SULT2B1: variants seen among roughly 807,000 people sequenced by gnomAD.
SULT2B1 encodes sulfotransferase family 2B member 1, also known as sulfotransferase 2B1.
Under a neutral mutation model 33.2 loss-of-function variants are expected in SULT2B1, and 16 were observed. The observed-to-expected ratio is 0.48, with a 90% CI of 0.33 to 0.73. SULT2B1 has a LOEUF of 0.73. Ranked by LOEUF, SULT2B1 falls within the 30% of genes least tolerant of loss-of-function variation. SULT2B1 has a pLI of 0.02. For missense variants in SULT2B1, 500 were observed against 506.0 expected, an observed-to-expected ratio of 0.99 and a Z score of 0.11; for synonymous variants, 186 against 200.5, an observed-to-expected ratio of 0.93 and a Z score of 0.61.
At chr19:48,565,844 C>T (rs1315747009) in intron 1 of SULT2B1, among the ~76,000 whole-genome samples, 2 of 152,072 alleles carry the variant, frequency 1.3e-5, no homozygotes, top group African/African-American at 4.8e-5. Context: ...CTCGACCTCC[C>T]CAGCTCAGGC....
chr19:48,558,435 T>TG (rs933868414), intron 1 of SULT2B1, among the ~76,000 whole-genome samples: 2 of 152,206 alleles, frequency 1.3e-5, no homozygotes, highest in African/African-American at 4.8e-5. Flanking sequence ...CCTTTGGACC[T>TG]GGGGCGCCTC....
At chr19:48,586,280 C>A (rs1209075998) in intron 2 of SULT2B1, among the ~76,000 whole-genome samples, 1 of 152,172 alleles carries the variant, frequency 6.6e-6, no homozygotes, top group East Asian at 1.9e-4. Context: ...CTCAGAATTT[C>A]AGCGGCTGAA....
intron 1 of SULT2B1, among the ~76,000 whole-genome samples, chr19:48,570,179 C>CTT (rs149283040): frequency 2.1e-5 from 3 of 145,644 alleles, no homozygotes; most frequent in East Asian, 2.0e-4. Flanking sequence ...CCGGTTTGTT[C>CTT]TTTTTTTTTT....
intron 2 of SULT2B1, among the ~76,000 whole-genome samples, chr19:48,577,280 C>T (rs1328477082): frequency 6.8e-6 from 1 of 147,696 alleles, no homozygotes; most frequent in Non-Finnish European, 1.5e-5. Flanking sequence ...TGGTCTTGAA[C>T]TCCTGACCTC....
At chr19:48,560,479 CG>C (rs1341966824) in intron 1 of SULT2B1, among the ~76,000 whole-genome samples, 11 of 151,938 alleles carry the variant, frequency 7.2e-5, no homozygotes, top group East Asian at 5.8e-4. Flanking sequence ...CATTTCTTCT[CG>C]GGGGGACTTG....
intron 6 of SULT2B1, among the ~76,000 whole-genome samples, chr19:48,597,337 CTTTT>C (rs535736357): frequency 1.7e-4 from 18 of 106,856 alleles, no homozygotes; most frequent in Admixed American, 5.3e-4. Flanking sequence ...CACGTTTACT[CTTTT>C]TTTTTTTTTT....
intron 3 of SULT2B1, 131 bp downstream of exon 3, chr19:48,587,568 C>A: frequency 2.0e-6 from 2 of 1,023,072 alleles, no homozygotes; most frequent in Non-Finnish European, 2.9e-6. Flanking sequence ...TGACTCTGAT[C>A]TAGCACAGTG....
intron 1 of SULT2B1, among the ~76,000 whole-genome samples, chr19:48,571,900 A>C (rs1048861307): frequency 2.6e-5 from 4 of 152,102 alleles, no homozygotes; most frequent in African/African-American, 9.7e-5. Context: ...GGCATGAGGC[A>C]CCATGCCCGG....
At chr19:48,565,486 TCTC>T (rs1973232904) in intron 1 of SULT2B1, among the ~76,000 whole-genome samples, 1 of 150,392 alleles carries the variant, frequency 6.6e-6, no homozygotes, top group African/African-American at 2.4e-5. Flanking sequence ...TTCAAGCGAT[TCTC>T]CTGCCTCAGC....
chr19:48,599,200 C>A lies in SULT2B1; in HGVS notation c.892C>A (p.Arg298Ser). 6.2e-7 allele frequency: 1 copy of A among 1,605,212 alleles called. No individual in the cohort carries two copies. The highest frequency in any genetic ancestry group is 2.2e-5 in the East Asian group (1 of 44,598). Residue 298 changes from arginine to serine, a missense_variant, in exon 7 of 7, where the codon CGC (arginine) becomes AGC (serine). Transcript: ENST00000201586. This position sits in a 1 kb window ranked among gnomAD's most constrained non-coding sequence, Gnocchi z 4.1. ...AQSEAFDRAY[R>S]KQMRGMPTFP... ...GAGCGAAGCCTTCGATCGTGCCTACCGCAAGCAGATGCGGGGGATGCCGAC... is the reference window on the plus strand; with the variant it reads ...GAGCGAAGCCTTCGATCGTGCCTACAGCAAGCAGATGCGGGGGATGCCGAC...
intron 1 of SULT2B1, among the ~76,000 whole-genome samples, chr19:48,560,531 A>C (rs1332634991): frequency 6.6e-6 from 1 of 151,806 alleles, no homozygotes; most frequent in Non-Finnish European, 1.5e-5. Flanking sequence ...CCCTCCATAG[A>C]TATATACCGT....
chr19:48,579,873 C>T (rs1973463736), intron 2 of SULT2B1, among the ~76,000 whole-genome samples: 2 of 152,160 alleles, frequency 1.3e-5, no homozygotes, highest in South Asian at 2.1e-4. Flanking sequence ...TCCCGAAGTG[C>T]TGGGATTACA....
At chr19:48,562,032 T>C (rs988760622) in intron 1 of SULT2B1, among the ~76,000 whole-genome samples, 1 of 152,024 alleles carries the variant, frequency 6.6e-6, no homozygotes, top group African/African-American at 2.4e-5. Context: ...GGAGGATCAC[T>C]TGAGATCAGG....
rs567601143 is a variant in SULT2B1, at chr19:48,585,647, C to T, written c.215-1582C>T. The stretch of plus-strand genomic sequence containing the variant: ...TCGCGCCATTGCACTCCAGCTTGGG[C>T]AACAAGAGCAAAACTCCGTCTCAAA... On this transcript the variant is annotated intron_variant, in intron 2 of 6. Coordinates refer to ENST00000201586, the MANE Select transcript of SULT2B1 (RefSeq NM_177973.2). Among the ~76,000 whole-genome samples, 3 of 144,492 alleles carry T rather than the reference C, an allele frequency of 2.1e-5. No individual in the cohort carries two copies. In the East Asian group the frequency reaches 6.1e-4, roughly 30 times the overall value. 94.8% of individuals were successfully genotyped at this position (144,492 alleles called of 152,430 possible).
At chr19:48,580,794 G>A (rs1032686677) in intron 2 of SULT2B1, among the ~76,000 whole-genome samples, 26 of 151,530 alleles carry the variant, frequency 1.7e-4, no homozygotes, top group African/African-American at 6.0e-4. Flanking sequence ...GCTAATTTTT[G>A]TAGCGATAAG....
At chr19:48,576,653 T>C (rs1370981030) in intron 2 of SULT2B1, among the ~76,000 whole-genome samples, 1 of 147,782 alleles carries the variant, frequency 6.8e-6, no homozygotes, top group Non-Finnish European at 1.5e-5. Flanking sequence ...TTTTTTTTTT[T>C]TTTTTTTTGG....
At chr19:48,553,940 T>C (rs1973059434) in intron 1 of SULT2B1, among the ~76,000 whole-genome samples, 1 of 151,976 alleles carries the variant, frequency 6.6e-6, no homozygotes, top group East Asian at 1.9e-4. Context: ...TGGGAAGGCC[T>C]CACCCCCACC....
chr19:48,576,656 T>C (rs1973416601), intron 2 of SULT2B1, among the ~76,000 whole-genome samples: 1 of 147,958 alleles, frequency 6.8e-6, no homozygotes, highest in Non-Finnish European at 1.5e-5. Flanking sequence ...TTTTTTTTTT[T>C]TTTTTGGAGG....
intron 1 of SULT2B1, among the ~76,000 whole-genome samples, chr19:48,559,482 T>A (rs1367143867): frequency 6.6e-6 from 1 of 152,204 alleles, no homozygotes. Context: ...GCGATTCTCC[T>A]GCCTCAGCTT....
Sources: gnomAD v4.1 joint callset for allele counts (sites outside exome capture counted in the v4.1 genomes callset) on GRCh38, gnomAD v4.1.1 for gene constraint, Gnocchi (gnomAD v3.1) non-coding constraint, MANE v1.5 for transcripts, NCBI Gene and HGNC (gene_info 2026-07-23, HGNC 2026-07-21) for gene names.